Variants in MACROD2 observed in about 807,000 individuals in gnomAD.
The protein encoded by MACROD2 is mono-ADP ribosylhydrolase 2.
Under a neutral mutation model 70.4 loss-of-function variants are expected in MACROD2, and 36 were observed. The ratio of observed to expected loss-of-function variants is 0.51; its 90% CI spans 0.39 to 0.68. The LOEUF is 0.68. MACROD2 is among the 30% of genes least tolerant of loss of function. The pLI, the probability that MACROD2 is intolerant of heterozygous loss-of-function variation, is 0.00. For missense variants in MACROD2, 496 were observed against 538.4 expected (o/e 0.92, Z 0.78); for synonymous variants, 172 against 178.8 (o/e 0.96, Z 0.30).
At chr20:15,378,149 A>T (rs1055858276) in intron 6 of MACROD2, among the ~76,000 whole-genome samples, 1 of 101,056 alleles carries the variant, frequency 9.9e-6, no homozygotes, top group African/African-American at 6.6e-5. Flanking sequence ...AGAAAAAAAT[A>T]AAAGAAGAGA....
chr20:15,714,996 T>TAA (rs2050687513), intron 8 of MACROD2, among the ~76,000 whole-genome samples: 2 of 152,148 alleles, frequency 1.3e-5, no homozygotes, highest in Non-Finnish European at 2.9e-5. Flanking sequence ...TACTCAATGA[T>TAA]ATATTGTAGG....
At chr20:16,009,626 G>A (rs943939998) in intron 15 of MACROD2, among the ~76,000 whole-genome samples, 9 of 151,998 alleles carry the variant, frequency 5.9e-5, no homozygotes, top group African/African-American at 9.7e-5. Context: ...GCATGGTGGC[G>A]GGCACCTGTA....
intron 6 of MACROD2, among the ~76,000 whole-genome samples, chr20:15,299,647 G>A: frequency 6.6e-6 from 1 of 152,198 alleles, no homozygotes; most frequent in East Asian, 1.9e-4. Flanking sequence ...TATCACCCAT[G>A]CAAGGCAATC....
chr20:15,252,328 T>A (rs564983057), intron 6 of MACROD2, among the ~76,000 whole-genome samples: 2 of 152,344 alleles, frequency 1.3e-5, no homozygotes, highest in East Asian at 3.9e-4. Flanking sequence ...TAAGTCATGC[T>A]GAAGTGGCAA....
chr20:16,021,879 A>G (rs1290572737), intron 15 of MACROD2, among the ~76,000 whole-genome samples: 2 of 152,166 alleles, frequency 1.3e-5, no homozygotes, highest in South Asian at 2.1e-4. Context: ...TAGTTACACA[A>G]TCCAACAAAA....
chr20:15,814,587 T>G (rs1054896389), intron 8 of MACROD2, among the ~76,000 whole-genome samples: 3 of 152,220 alleles, frequency 2.0e-5, no homozygotes, highest in African/African-American at 7.2e-5. Context: ...CCATTTGAAC[T>G]TATATCCTAG....
At chr20:14,119,829 C>T (rs1000982456) in intron 3 of MACROD2, among the ~76,000 whole-genome samples, 1 of 152,008 alleles carries the variant, frequency 6.6e-6, no homozygotes, top group Non-Finnish European at 1.5e-5. Flanking sequence ...GGTCTAATAT[C>T]CAGAATTCAC....
At chr20:15,341,790 C>G (rs1238282345) in intron 6 of MACROD2, among the ~76,000 whole-genome samples, 2 of 152,138 alleles carry the variant, frequency 1.3e-5, no homozygotes, top group Non-Finnish European at 2.9e-5. Context: ...GTGGCTCATG[C>G]CTGTAATCCC....
intron 4 of MACROD2, among the ~76,000 whole-genome samples, chr20:14,602,855 G>A (rs1003323285): frequency 2.0e-5 from 3 of 152,130 alleles, no homozygotes; most frequent in African/African-American, 4.8e-5. Flanking sequence ...AAATAGCCAA[G>A]GCCTTTGATG....
At chr20:15,663,672 T>G (rs1482684754) in intron 8 of MACROD2, among the ~76,000 whole-genome samples, 3 of 151,904 alleles carry the variant, frequency 2.0e-5, no homozygotes, top group African/African-American at 4.8e-5. Flanking sequence ...AATATGACTG[T>G]GGTCTTTTAT....
intron 6 of MACROD2, among the ~76,000 whole-genome samples, chr20:15,383,908 A>T (rs1407584218): frequency 1.3e-5 from 2 of 152,182 alleles, no homozygotes; most frequent in Non-Finnish European, 2.9e-5. Context: ...TGATCTAAAA[A>T]AGTGGCCATT....
intron 4 of MACROD2, among the ~76,000 whole-genome samples, chr20:14,574,078 G>C (rs1261240233): frequency 6.6e-6 from 1 of 152,192 alleles, no homozygotes; most frequent in Non-Finnish European, 1.5e-5. Context: ...ATAAGGCATA[G>C]AGATAATCAA....
intron 5 of MACROD2, among the ~76,000 whole-genome samples, chr20:14,870,632 T>C (rs187723449): frequency 7.2e-4 from 109 of 152,184 alleles, no homozygotes; most frequent in Non-Finnish European, 1.1e-3. Context: ...TTTTTAATAA[T>C]GTCCATCCTG....
At chr20:14,797,485 G>A (rs1472908884) in intron 5 of MACROD2, among the ~76,000 whole-genome samples, 1 of 151,930 alleles carries the variant, frequency 6.6e-6, no homozygotes, top group Admixed American at 6.6e-5. Flanking sequence ...ACTATGCCAA[G>A]CCCCTTCACC....
intron 5 of MACROD2, among the ~76,000 whole-genome samples, chr20:14,826,382 CT>C (rs976624476): frequency 6.6e-6 from 1 of 152,002 alleles, no homozygotes; most frequent in African/African-American, 2.4e-5. Context: ...AATACAAATT[CT>C]TTTTGAATTT....
At chr20:14,638,672 TG>T (rs1568713814) in intron 4 of MACROD2, among the ~76,000 whole-genome samples, 1 of 152,196 alleles carries the variant, frequency 6.6e-6, no homozygotes, top group Non-Finnish European at 1.5e-5. Context: ...TGAGTGAGGC[TG>T]GGTGTGGTGG....
At chr20:15,334,972 A>G (rs943635648) in intron 6 of MACROD2, among the ~76,000 whole-genome samples, 1 of 151,714 alleles carries the variant, frequency 6.6e-6, no homozygotes, top group African/African-American at 2.4e-5. Flanking sequence ...GTCTTTAACC[A>G]TATTCTTATA....
intron 5 of MACROD2, among the ~76,000 whole-genome samples, chr20:15,070,474 C>T (rs943296374): frequency 1.3e-5 from 2 of 152,202 alleles, no homozygotes; most frequent in South Asian, 4.1e-4. Context: ...CTCTCCAAAT[C>T]TCATGTTGAA....
At chr20:14,988,355 CAAAA>C (rs11087116) in intron 5 of MACROD2, among the ~76,000 whole-genome samples, 5 of 112,222 alleles carry the variant, frequency 4.5e-5, no homozygotes, top group East Asian at 2.7e-4. Context: ...GAGACTCTGT[CAAAA>C]AAAAAAAAAA....
Sources: gnomAD v4.1 joint callset for allele counts (sites outside exome capture counted in the v4.1 genomes callset) on GRCh38, gnomAD v4.1.1 for gene constraint, MANE v1.5 for transcripts, NCBI Gene and HGNC (gene_info 2026-07-23, HGNC 2026-07-21) for gene names.